The following NAP1L1 variants were observed in gnomAD, a reference collection of about 807,000 sequenced individuals.
NAP1L1 encodes the protein nucleosome assembly protein 1-like 1.
NAP1L1 carries 9 observed loss-of-function variants against 58.9 expected under a neutral mutation model. That is an observed-to-expected ratio of 0.15 (90% CI 0.09 to 0.27). The LOEUF (loss-of-function observed/expected upper bound fraction) is 0.27, where lower values mean the gene tolerates loss of function less well. Among genes scored for constraint, NAP1L1 ranks in the 10% least tolerant of loss-of-function variants. The pLI, the probability that NAP1L1 is intolerant of heterozygous loss-of-function variation, is 1.00. For synonymous variants in NAP1L1, 130 were observed against 138.3 expected (o/e 0.94, Z 0.42); for missense variants, 302 against 458.8 (o/e 0.66, Z 3.12).
Position 76,047,675 on chromosome 12 carries a change from A to G in NAP1L1, c.*754T>C, listed in dbSNP as rs1304631540. On this transcript the variant is annotated 3_prime_UTR_variant, in exon 15 of 15. Coordinates refer to ENST00000618691, the MANE Select transcript of NAP1L1 (RefSeq NM_004537.7). The stretch of plus-strand genomic sequence containing the variant: ...CAAATAACTTGAAAATAGGCTTGTC[A>G]AATGATGTAAATTCATCCTTTCCAG... 6.6e-6 allele frequency: 1 copy of G among 152,092 alleles called. No homozygotes were observed. Among genetic ancestry groups the G allele is most frequent in the African/African-American group, 2.4e-5 (1 of 41,450 alleles). The allele number at this position is 152,092 out of a possible 1,614,324, so 9.4% of individuals were successfully genotyped here.
At position 76,047,778 on chromosome 12, in the gene NAP1L1, C is replaced by G. The variant is rs369172364; in HGVS notation, c.*651G>C. 6.6e-6 allele frequency: 1 copy of G among 151,950 alleles called. No homozygotes were observed. The highest frequency in any genetic ancestry group is 1.9e-4 in the East Asian group (1 of 5,186). The allele number at this position is 151,950 out of a possible 1,614,324, so 9.4% of individuals were successfully genotyped here. On this transcript the variant is annotated 3_prime_UTR_variant, in exon 15 of 15. Transcript: ENST00000618691. ...TTAAATTTAAAAATACAGTTAAATT[C>G]AGGCTAACTTCTGAAAATCCCGTTT...
At chr12:76,080,154 C>G (rs532561516) in intron 1 of NAP1L1, among the ~76,000 whole-genome samples, 1 of 152,334 alleles carries the variant, frequency 6.6e-6, no homozygotes, top group East Asian at 1.9e-4. Flanking sequence ...ACTGCATATA[C>G]AACAGTGATC....
chr12:76,059,784 A>T lies in NAP1L1; in HGVS notation c.429+14T>A, dbSNP rs370345497. 4.9e-5 allele frequency: 77 copies of T among 1,555,818 alleles called. No homozygotes were observed. In the African/African-American group the frequency reaches 8.6e-4, roughly 17 times the overall value. On this transcript the variant is annotated intron_variant, in intron 6 of 14. Transcript: ENST00000618691. Reference sequence around the variant, plus strand: ...ATCATCTTAAAAACATACCAAAATAAAGTTGGTACTAACCGAAATCTCATC... The same window carrying T: ...ATCATCTTAAAAACATACCAAAATATAGTTGGTACTAACCGAAATCTCATC...
intron 3 of NAP1L1, 49 bp from the exon 4 acceptor site, chr12:76,067,522 A>G: frequency 6.9e-7 from 1 of 1,454,698 alleles, no homozygotes. Context: ...AAAATGTATT[A>G]TGCTTTTTTA....
intron 6 of NAP1L1, chr12:76,057,974 T>C (rs1404652669): frequency 1.0e-6 from 1 of 953,344 alleles, no homozygotes; most frequent in Non-Finnish European, 1.7e-6. Context: ...CACAAAGATT[T>C]TTTGCTCAAA....
rs1474682550 is a variant in NAP1L1, at chr12:76,068,929, C to G, written c.83G>C (p.Gly28Ala). 6.2e-7 allele frequency: 1 copy of G among 1,612,612 alleles called. No homozygotes were observed. The highest frequency in any genetic ancestry group is 8.5e-7 in the Non-Finnish European group (1 of 1,179,096). Reference sequence around the variant, plus strand: ...AATACCTTTGAGTTTTGTTTCTTCACCAGTTTCCTCTTCTTCTACTTCTTC... The same window carrying G: ...AATACCTTTGAGTTTTGTTTCTTCAGCAGTTTCCTCTTCTTCTACTTCTTC... ...DVEEVEEEET[G>A]EETKLKARQL... Residue 28 changes from glycine (G) to alanine (A), a missense_variant, in exon 3 of 15, where the codon GGT becomes GCT. Transcript: ENST00000618691.
chr12:76,048,537 G>T, intron 14 of NAP1L1, 73 bp from the exon 15 acceptor site: 1 of 1,467,478 alleles, frequency 6.8e-7, no homozygotes, highest in Non-Finnish European at 9.5e-7. Flanking sequence ...AGTAATTACT[G>T]CCTTAATTAT....
chr12:76,052,431 G>T (rs888646687), intron 11 of NAP1L1, among the ~76,000 whole-genome samples: 1 of 151,928 alleles, frequency 6.6e-6, no homozygotes, highest in Non-Finnish European at 1.5e-5. Context: ...ACTTACTTTT[G>T]CCTTTTACAA....
At chr12:76,075,997 C>T (rs1231844790) in intron 1 of NAP1L1, among the ~76,000 whole-genome samples, 2 of 152,142 alleles carry the variant, frequency 1.3e-5, no homozygotes, top group African/African-American at 4.8e-5. Flanking sequence ...GACACTGTCT[C>T]TTAAAAACAT....
At position 76,044,328 on chromosome 12, in the gene NAP1L1, T is replaced by C. The variant is rs1291525831; in HGVS notation, c.*4101A>G. 3 of 152,058 alleles carry C rather than the reference T, an allele frequency of 2.0e-5. No individual in the cohort carries two copies. Among genetic ancestry groups the C allele is most frequent in the East Asian group, 1.9e-4 (1 of 5,192 alleles). The allele number at this position is 152,058 out of a possible 1,614,324, so 9.4% of individuals were successfully genotyped here. ...AAAATAAAAATAAATGGATAAAACA[T>C]GTAAGAAACTAAAAAGCAATGCTTT... On this transcript the variant is annotated 3_prime_UTR_variant, in exon 15 of 15. Transcript: ENST00000618691.
chr12:76,077,981 A>G (rs563949557), intron 1 of NAP1L1, among the ~76,000 whole-genome samples: 137 of 31,374 alleles, frequency 4.4e-3, no homozygotes, highest in African/African-American at 0.013. Flanking sequence ...ACCCTGTCTC[A>G]AAAAAAAAAA....
At chr12:76,057,370 T>A (rs1463341391) in intron 6 of NAP1L1, 1 of 408,418 alleles carries the variant, frequency 2.4e-6, no homozygotes, top group East Asian at 5.4e-5. Flanking sequence ...TAACAGTTCA[T>A]CTGCATTATC....
rs1948610901 is a variant in NAP1L1, at chr12:76,046,503, C to T, written c.*1926G>A. Reference sequence around the variant, plus strand: ...GAACTATGGTTAAAAAAAAAAAGCACATAGTGTCTAATCAAAGCAAAGGAA... The same window carrying T: ...GAACTATGGTTAAAAAAAAAAAGCATATAGTGTCTAATCAAAGCAAAGGAA... On this transcript the variant is annotated 3_prime_UTR_variant, in exon 15 of 15. Coordinates refer to ENST00000618691, the MANE Select transcript of NAP1L1 (RefSeq NM_004537.7). The T allele has an allele frequency of 6.6e-6, 1 of 151,184 alleles. No homozygotes were observed. Among genetic ancestry groups the T allele is most frequent in the Admixed American group, 6.6e-5 (1 of 15,174 alleles). 9.4% of individuals were successfully genotyped at this position (151,184 alleles called of 1,614,324 possible). A position where few individuals can be genotyped will look rare whatever the true frequency, so the allele number is the denominator to read the frequency against.
chr12:76,068,225 T>C (rs1949773445), intron 3 of NAP1L1, among the ~76,000 whole-genome samples: 1 of 152,158 alleles, frequency 6.6e-6, no homozygotes. Flanking sequence ...GGATAACCAA[T>C]ACAGATTTTT....
chr12:76,066,173 A>G (rs1183516580), intron 4 of NAP1L1, among the ~76,000 whole-genome samples: 1 of 151,500 alleles, frequency 6.6e-6, no homozygotes, highest in Non-Finnish European at 1.5e-5. Context: ...TCAAAAAATG[A>G]GGCAGAAAAA....
At chr12:76,054,850 CAGA>C (rs1467989107) in intron 8 of NAP1L1, among the ~76,000 whole-genome samples, 166 bp downstream of exon 8, 5 of 152,172 alleles carry the variant, frequency 3.3e-5, no homozygotes, top group South Asian at 4.1e-4. Flanking sequence ...AATTTATGAT[CAGA>C]AGGAGGAAAA....
chr12:76,082,398 T>C (rs1241817803), intron 1 of NAP1L1, among the ~76,000 whole-genome samples: 3 of 152,212 alleles, frequency 2.0e-5, no homozygotes, highest in African/African-American at 7.2e-5. Context: ...AGTGCAGTAA[T>C]TTACCATATT....
intron 2 of NAP1L1, among the ~76,000 whole-genome samples, chr12:76,073,589 CAGTGGCAA>C: frequency 6.6e-6 from 1 of 152,304 alleles, no homozygotes. Context: ...CTTCAATTAA[CAGTGGCAA>C]AGTGGCAATG....
chr12:76,077,305 T>C (rs758103973), intron 1 of NAP1L1, among the ~76,000 whole-genome samples: 6 of 152,234 alleles, frequency 3.9e-5, no homozygotes, highest in Non-Finnish European at 5.9e-5. Context: ...ATTGTATTTC[T>C]TGGTTGTAAG....
Sources: gnomAD v4.1 joint callset for allele counts (sites outside exome capture counted in the v4.1 genomes callset) on GRCh38, gnomAD v4.1.1 for gene constraint, MANE v1.5 for transcripts, NCBI Gene and HGNC (gene_info 2026-07-23, HGNC 2026-07-21) for gene names.